Variants in PCM1 observed in about 807,000 individuals in gnomAD.
PCM1 encodes pericentriolar material 1 protein.
Under a neutral mutation model 241.9 loss-of-function variants are expected in PCM1, and 157 were observed. The observed-to-expected ratio is 0.65, with a 90% CI of 0.57 to 0.74. The LOEUF (loss-of-function observed/expected upper bound fraction) is 0.74. Among genes scored for constraint, PCM1 ranks in the 30% least tolerant of loss-of-function variants. The pLI, the probability that PCM1 is intolerant of heterozygous loss-of-function variation, is 0.00. For missense variants in PCM1, 3,478 were observed against 2,360.1 expected (o/e 1.47, Z -9.81); for synonymous variants, 1,085 against 784.9 (o/e 1.38, Z -6.39).
chr8:17,934,371 C>T (rs1026189106), intron 2 of PCM1, among the ~76,000 whole-genome samples: 10 of 151,776 alleles, frequency 6.6e-5, no homozygotes, highest in African/African-American at 2.2e-4. Context: ...AAGCCATACT[C>T]CTGCCTCAGC....
rs1012079390 is a variant in PCM1 at position 17,957,480 on chromosome 8, C to G, written c.1804+59C>G. 3.1e-6 allele frequency: 5 copies of G among 1,604,250 alleles called. No homozygotes were observed. In the African/African-American group the frequency reaches 6.7e-5, roughly 21 times the overall value. On this transcript the variant is annotated intron_variant, in intron 12 of 38. Transcript: ENST00000325083. ...GTGTTATTCTTACAAAGTGGGTTTT[C>G]GTTCATGTGTGCTCTTTCCTTTAAA...
At chr8:18,021,826 G>A (rs1233923491) in intron 36 of PCM1, among the ~76,000 whole-genome samples, 2 of 152,114 alleles carry the variant, frequency 1.3e-5, no homozygotes, top group African/African-American at 4.8e-5. Context: ...GAAATAACTG[G>A]AAGACCTATG....
At chr8:17,989,744 T>TA in intron 26 of PCM1, 115 bp from the exon 27 acceptor site, 1 of 564,896 alleles carries the variant, frequency 1.8e-6, no homozygotes, top group Non-Finnish European at 2.7e-6. Flanking sequence ...TGAGGAAACT[T>TA]ATGAATATCT....
intron 36 of PCM1, among the ~76,000 whole-genome samples, chr8:18,020,777 A>G (rs377232284): frequency 1.3e-4 from 20 of 152,204 alleles, no homozygotes; most frequent in African/African-American, 3.4e-4. Context: ...CAAAATGCCA[A>G]TCATTTTCCA....
chr8:17,943,779 A>G (rs113697891), intron 6 of PCM1, among the ~76,000 whole-genome samples: 137 of 152,216 alleles, frequency 9.0e-4, no homozygotes, highest in African/African-American at 3.0e-3. Context: ...ACTCTGCAGG[A>G]ACTGTCATTC....
chr8:17,929,828 CTCAG>C (rs2058394618), intron 2 of PCM1, among the ~76,000 whole-genome samples: 2 of 152,140 alleles, frequency 1.3e-5, no homozygotes, highest in African/African-American at 4.8e-5. Context: ...ATAGATTAGG[CTCAG>C]TAAGAGATTA....
chr8:17,993,192 T>C (rs1436792967), intron 28 of PCM1, among the ~76,000 whole-genome samples: 1 of 152,050 alleles, frequency 6.6e-6, no homozygotes, highest in African/African-American at 2.4e-5. Context: ...GTGTCTCCAA[T>C]GTTATCTTCT....
intron 1 of PCM1, among the ~76,000 whole-genome samples, chr8:17,923,954 C>T (rs999527825): frequency 2.0e-5 from 3 of 152,014 alleles, no homozygotes; most frequent in Non-Finnish European, 2.9e-5. Context: ...ACTTTGCATC[C>T]CTCAGCCTAC....
At position 17,953,081 on chromosome 8, in the gene PCM1, G is replaced by C; in HGVS notation, c.1183G>C (p.Glu395Gln). The C allele has an allele frequency of 1.1e-5, 18 of 1,603,910 alleles. No individual in the cohort carries two copies. The highest frequency in any genetic ancestry group is 1.5e-5 in the Non-Finnish European group (18 of 1,174,684). Reference protein sequence around the residue: ...ASERLPDEKVELFSKMRVLQE... With the variant: ...ASERLPDEKVQLFSKMRVLQE... ...AGAACGTTTACCTGATGAGAAAGTC[G>C]AACTTTTTAGCAAAATGAGAGTGCT... Residue 395 changes from glutamate (E) to glutamine (Q), a missense_variant, in exon 9 of 39, where the codon GAA becomes CAA. Coordinates refer to ENST00000325083, the MANE Select transcript of PCM1 (RefSeq NM_006197.4).
At chr8:17,943,886 C>G (rs569603405) in intron 6 of PCM1, among the ~76,000 whole-genome samples, 1 of 152,208 alleles carries the variant, frequency 6.6e-6, no homozygotes, top group East Asian at 1.9e-4. Flanking sequence ...ACATGCGATT[C>G]AAGGTTGAAA....
Position 17,939,872 on chromosome 8 carries a change from G to T in PCM1, c.783+11G>T. ...CTTAAAAAAATCCTTGTAAGTATTCGACTTTTAAAATAACATATTATTTTT... is the reference window on the plus strand; with the variant it reads ...CTTAAAAAAATCCTTGTAAGTATTCTACTTTTAAAATAACATATTATTTTT... On this transcript the variant is annotated intron_variant, in intron 6 of 38. Transcript: ENST00000325083. 1 of 1,399,526 alleles carries T rather than the reference G, an allele frequency of 7.1e-7. No individual in the cohort carries two copies. Among genetic ancestry groups the T allele is most frequent in the Non-Finnish European group, 9.8e-7 (1 of 1,023,238 alleles). 86.7% of individuals were successfully genotyped at this position (1,399,526 alleles called of 1,614,324 possible).
chr8:18,014,766 T>C lies in PCM1; in HGVS notation c.5767T>C (p.Ser1923Pro). 1 of 1,611,598 alleles carries C rather than the reference T, an allele frequency of 6.2e-7. No homozygotes were observed. The highest frequency in any genetic ancestry group is 1.1e-5 in the South Asian group (1 of 90,932). ...PLVPRVKEVK[S>P]AQETPESSLA... ...AGTGCCTAGAGTCAAAGAAGTTAAA[T>C]CTGCTCAGGAAACTCCTGAAAGCTC... Residue 1923 changes from serine (S) to proline (P), a missense_variant, in exon 36 of 39, where the codon TCT (serine) becomes CCT (proline). Physicochemically the swap from Ser to Pro is moderately conservative, Grantham distance 74. Coordinates refer to ENST00000325083, the MANE Select transcript of PCM1 (RefSeq NM_006197.4).
chr8:17,945,619 C>T (rs2063501493), intron 6 of PCM1, among the ~76,000 whole-genome samples: 2 of 152,132 alleles, frequency 1.3e-5, no homozygotes, highest in South Asian at 2.1e-4. Flanking sequence ...AATATTACCA[C>T]AGTTACTCAT....
chr8:17,939,911 G>C (rs751061393), intron 6 of PCM1, 50 bp downstream of exon 6: 19 of 1,180,444 alleles, frequency 1.6e-5, no homozygotes, highest in Non-Finnish European at 2.1e-5. Context: ...GTATCTCAGT[G>C]TGTATTTACT....
At chr8:17,991,729 T>C in intron 28 of PCM1, 29 bp downstream of exon 28, 1 of 1,498,248 alleles carries the variant, frequency 6.7e-7, no homozygotes, top group Non-Finnish European at 9.0e-7. Context: ...GGTAGGTTTT[T>C]GGAGAACAGG....
At chr8:18,021,308 C>G (rs993286294) in intron 36 of PCM1, among the ~76,000 whole-genome samples, 10 of 152,172 alleles carry the variant, frequency 6.6e-5, no homozygotes, top group African/African-American at 2.4e-4. Context: ...ATTATGAAAG[C>G]AGAAATGGCT....
At chr8:18,018,351 C>T (rs933787006) in intron 36 of PCM1, among the ~76,000 whole-genome samples, 1 of 152,120 alleles carries the variant, frequency 6.6e-6, no homozygotes, top group African/African-American at 2.4e-5. Flanking sequence ...GCTTGTTTCT[C>T]AACTGACAAA....
chr8:17,946,845 G>A (rs1010181750), intron 6 of PCM1, among the ~76,000 whole-genome samples: 3 of 151,196 alleles, frequency 2.0e-5, no homozygotes, highest in Non-Finnish European at 3.0e-5. Context: ...GTGTGTGTGT[G>A]TGTGTGTGTG....
intron 23 of PCM1, among the ~76,000 whole-genome samples, chr8:17,978,839 A>T (rs2079659926): frequency 6.6e-6 from 1 of 152,240 alleles, no homozygotes; most frequent in African/African-American, 2.4e-5. Flanking sequence ...GTATCAAAAG[A>T]ATTCTAGACT....
Sources: allele counts gnomAD v4.1 joint callset (sites outside exome capture counted in the v4.1 genomes callset), GRCh38; gene constraint gnomAD v4.1.1; transcripts MANE v1.5; gene names NCBI Gene and HGNC (gene_info 2026-07-23, HGNC 2026-07-21).